Variants in CEP112 observed in about 807,000 individuals in gnomAD.
The protein encoded by CEP112 is centrosomal protein 112.
CEP112 carries 127 observed loss-of-function variants against 153.0 expected under a neutral mutation model. That is an observed-to-expected ratio of 0.83 (90% confidence interval 0.72 to 0.96). The LOEUF (loss-of-function observed/expected upper bound fraction) is 0.96. CEP112 is among the 40% of genes least tolerant of loss of function. CEP112 has a pLI of 0.00. For synonymous variants in CEP112, 358 were observed against 374.4 expected, an observed-to-expected ratio of 0.96 and a Z score of 0.51; for missense variants, 1,089 against 1,101.2, an observed-to-expected ratio of 0.99 and a Z score of 0.16.
intron 17 of CEP112, among the ~76,000 whole-genome samples, chr17:65,989,807 C>G (rs899792819): frequency 7.2e-5 from 11 of 152,142 alleles, no homozygotes; most frequent in African/African-American, 2.7e-4. Flanking sequence ...AACAATACTA[C>G]CTACAGGAAC....
intron 4 of CEP112, among the ~76,000 whole-genome samples, chr17:66,141,689 T>A (rs571267551): frequency 6.6e-6 from 1 of 152,300 alleles, no homozygotes; most frequent in East Asian, 1.9e-4. Context: ...TCCAGCTTCA[T>A]CTATCTTGTC....
At chr17:65,652,646 G>A (rs1484803568) in intron 24 of CEP112, among the ~76,000 whole-genome samples, 2 of 152,078 alleles carry the variant, frequency 1.3e-5, no homozygotes, top group Admixed American at 6.6e-5. Context: ...CCATTGAAAT[G>A]TTTTTGTATT....
intron 20 of CEP112, among the ~76,000 whole-genome samples, chr17:65,896,620 T>C (rs1011800440): frequency 2.0e-5 from 3 of 152,026 alleles, no homozygotes; most frequent in Non-Finnish European, 2.9e-5. Context: ...TAATGAAACA[T>C]GATTTTCACA....
At chr17:66,173,283 G>A (rs1598492400) in intron 4 of CEP112, among the ~76,000 whole-genome samples, 1 of 152,274 alleles carries the variant, frequency 6.6e-6, no homozygotes, top group Non-Finnish European at 1.5e-5. Flanking sequence ...GCACTACTTA[G>A]CTCCAACATA....
intron 21 of CEP112, among the ~76,000 whole-genome samples, chr17:65,791,903 C>T (rs2054610799): frequency 6.6e-6 from 1 of 152,176 alleles, no homozygotes; most frequent in South Asian, 2.1e-4. Flanking sequence ...ACAATTTTCA[C>T]TGAGTCCGCA....
At chr17:66,036,583 C>T (rs893113353) in intron 12 of CEP112, among the ~76,000 whole-genome samples, 6 of 152,058 alleles carry the variant, frequency 3.9e-5, no homozygotes, top group South Asian at 2.1e-4. Context: ...TTCTCTTTCC[C>T]GCAAAACTAT....
intron 4 of CEP112, among the ~76,000 whole-genome samples, chr17:66,162,420 C>A (rs530627429): frequency 1.3e-5 from 2 of 152,172 alleles, no homozygotes; most frequent in African/African-American, 4.8e-5. Flanking sequence ...ATCAGCAGTG[C>A]CTACTATGAT....
intron 12 of CEP112, among the ~76,000 whole-genome samples, chr17:66,031,520 G>A (rs984343766): frequency 7.1e-6 from 1 of 140,314 alleles, no homozygotes; most frequent in Non-Finnish European, 1.5e-5. Flanking sequence ...GTCTCATAGC[G>A]CAATCTTGGC....
intron 17 of CEP112, among the ~76,000 whole-genome samples, chr17:65,985,848 G>GTTT (rs372660518): frequency 3.5e-4 from 51 of 145,964 alleles, no homozygotes; most frequent in South Asian, 8.8e-4. Context: ...AAGGGCTTTT[G>GTTT]TTTTTTTTTT....
chr17:65,711,240 T>A (rs918957362), intron 23 of CEP112, among the ~76,000 whole-genome samples: 13 of 152,184 alleles, frequency 8.5e-5, no homozygotes, highest in African/African-American at 3.1e-4. Context: ...AACCTTCAAA[T>A]GCATGGTAGA....
chr17:66,038,223 A>G (rs189364945), intron 12 of CEP112, among the ~76,000 whole-genome samples: 35 of 152,344 alleles, frequency 2.3e-4, no homozygotes, highest in Non-Finnish European at 3.7e-4. Flanking sequence ...TCACATGCAG[A>G]TAAGTATTAC....
chr17:65,667,284 C>G (rs2046743339), intron 24 of CEP112, among the ~76,000 whole-genome samples: 1 of 152,112 alleles, frequency 6.6e-6, no homozygotes, highest in South Asian at 2.1e-4. Context: ...TCTGACAGTA[C>G]TTAAACCCAG....
chr17:66,095,900 T>A (rs1339837456), intron 8 of CEP112, among the ~76,000 whole-genome samples: 3 of 151,434 alleles, frequency 2.0e-5, no homozygotes, highest in Non-Finnish European at 4.4e-5. Context: ...AACAGTAAGA[T>A]CCCATCTCTA....
chr17:65,711,633 C>G (rs1228818893), intron 23 of CEP112, among the ~76,000 whole-genome samples: 2 of 152,196 alleles, frequency 1.3e-5, no homozygotes, highest in East Asian at 1.9e-4. Context: ...TGGCACTCTC[C>G]AGCTTTTTAG....
intron 24 of CEP112, among the ~76,000 whole-genome samples, chr17:65,660,583 T>C (rs2046340766): frequency 6.7e-6 from 1 of 149,464 alleles, no homozygotes; most frequent in Non-Finnish European, 1.5e-5. Context: ...CTCACTCTGT[T>C]GCCCAGGTTG....
In CEP112 at chr17:66,183,233, C is replaced by G. The variant is rs1486149699; in HGVS notation, c.67G>C (p.Asp23His). Residue 23 changes from aspartate (D) to histidine (H), a missense_variant, in exon 2 of 27, where the codon GAT (aspartate) becomes CAT (histidine). Asp to His is a moderately conservative substitution (Grantham distance 81). Coordinates refer to ENST00000535342, the MANE Select transcript of CEP112 (RefSeq NM_001199165.4). ...AATTTTAGAACAAAGGGCTTCATATCAACCACAAAGTGATCAAATTCTGCA... is the reference window on the plus strand; with the variant it reads ...AATTTTAGAACAAAGGGCTTCATATGAACCACAAAGTGATCAAATTCTGCA... The part of the protein sequence containing the change: ...LDAEFDHFVV[D>H]MKPFVLKLPH... 1 of 1,611,090 alleles carries G rather than the reference C, an allele frequency of 6.2e-7. No individual in the cohort carries two copies. The highest frequency in any genetic ancestry group is 1.1e-5 in the South Asian group (1 of 90,334).
chr17:66,163,724 A>G (rs558896473), intron 4 of CEP112, among the ~76,000 whole-genome samples: 1 of 152,302 alleles, frequency 6.6e-6, no homozygotes, highest in East Asian at 1.9e-4. Flanking sequence ...TAAAAATCGT[A>G]CATTTAAATC....
chr17:65,925,779 C>T (rs1024729565), intron 19 of CEP112, among the ~76,000 whole-genome samples: 1 of 151,744 alleles, frequency 6.6e-6, no homozygotes, highest in East Asian at 1.9e-4. Flanking sequence ...TAGAAGACAG[C>T]AAATGCTCAA....
At chr17:66,040,286 C>T (rs1314483069) in intron 12 of CEP112, among the ~76,000 whole-genome samples, 1 of 152,014 alleles carries the variant, frequency 6.6e-6, no homozygotes, top group Non-Finnish European at 1.5e-5. Context: ...TTACATTTCC[C>T]TGACTATTAA....
Sources: gnomAD v4.1 joint callset for allele counts (sites outside exome capture counted in the v4.1 genomes callset) on GRCh38, gnomAD v4.1.1 for gene constraint, MANE v1.5 for transcripts, NCBI Gene and HGNC (gene_info 2026-07-23, HGNC 2026-07-21) for gene names.